The following SNTG1 variants were observed in gnomAD, a reference collection of about 807,000 sequenced individuals.
SNTG1 encodes the protein syntrophin gamma 1.
SNTG1 carries 39 observed loss-of-function variants against 74.7 expected under a neutral mutation model. The ratio of observed to expected loss-of-function variants is 0.52; its 90% CI spans 0.40 to 0.68. The LOEUF (loss-of-function observed/expected upper bound fraction) is 0.68, where lower values mean the gene tolerates loss of function less well. Among genes scored for constraint, SNTG1 ranks in the 30% least tolerant of loss-of-function variants. SNTG1 has a pLI of 0.00. For missense variants in SNTG1, 685 were observed against 609.5 expected, an observed-to-expected ratio of 1.12 and a Z score of -1.30; for synonymous variants, 254 against 217.1, an observed-to-expected ratio of 1.17 and a Z score of -1.49.
Position 50,211,785 on chromosome 8 carries a change from A to G in SNTG1, c.-28+39150A>G, listed in dbSNP as rs79036972. Among the ~76,000 whole-genome samples the G allele has an allele frequency of 6.0e-3, 918 of 152,274 alleles. 4 individuals carry two copies. The highest frequency in any genetic ancestry group is 0.01 in the Non-Finnish European group (710 of 67,984). ...AAAATCATTTTGCTTCAGTGAGATC[A>G]AAGAAGGTTTACATTTGACAGTATC... On this transcript the variant is annotated intron_variant, in intron 2 of 18. Coordinates refer to ENST00000642720, the MANE Select transcript of SNTG1 (RefSeq NM_018967.5).
intron 15 of SNTG1, among the ~76,000 whole-genome samples, chr8:50,689,817 G>A (rs916891391): frequency 6.6e-6 from 1 of 152,196 alleles, no homozygotes; most frequent in Admixed American, 6.5e-5. Flanking sequence ...AGTTTCAGAA[G>A]GAATGGTACC....
At position 50,792,662 on chromosome 8, in the gene SNTG1, C is replaced by A. The variant is rs762929338; in HGVS notation, c.1396-9C>A. 1 of 1,598,506 alleles carries A rather than the reference C, an allele frequency of 6.3e-7. No homozygotes were observed. Among genetic ancestry groups the A allele is most frequent in the Non-Finnish European group, 8.5e-7 (1 of 1,172,466 alleles). ...TATGTTATCTGACCTGTTTCTCTTTCCCTTTCAGGAGTTGGAATTTTCTAA... is the reference window on the plus strand; with the variant it reads ...TATGTTATCTGACCTGTTTCTCTTTACCTTTCAGGAGTTGGAATTTTCTAA... On this transcript the variant is annotated splice_polypyrimidine_tract_variant and intron_variant, in intron 18 of 18. Transcript: ENST00000642720.
At chr8:50,314,970 CTATAG>C (rs1386073056) in intron 2 of SNTG1, among the ~76,000 whole-genome samples, 4 of 149,570 alleles carry the variant, frequency 2.7e-5, no homozygotes, top group Middle Eastern at 3.4e-3. Flanking sequence ...CTGGTTCTAA[CTATAG>C]TGTTTTGATA....
chr8:50,680,808 C>T (rs182956583), intron 15 of SNTG1, among the ~76,000 whole-genome samples: 309 of 152,142 alleles, frequency 2.0e-3, no homozygotes, highest in Non-Finnish European at 3.7e-3. Context: ...GGTATGTGCT[C>T]GCAGCTCCAA....
At chr8:50,650,145 A>G (rs2095135762) in intron 13 of SNTG1, among the ~76,000 whole-genome samples, 1 of 152,082 alleles carries the variant, frequency 6.6e-6, no homozygotes, top group Non-Finnish European at 1.5e-5. Flanking sequence ...TTTGGATTAT[A>G]AATTTAAAAA....
At chr8:50,419,871 C>T (rs921705597) in intron 4 of SNTG1, among the ~76,000 whole-genome samples, 2 of 150,276 alleles carry the variant, frequency 1.3e-5, no homozygotes, top group African/African-American at 4.9e-5. Context: ...CTAAACAATA[C>T]AATAATTGAA....
At position 50,010,881 on chromosome 8, in the gene SNTG1, G is replaced by A. The variant is rs866914159; in HGVS notation, c.-103+98650G>A. 2.7e-5 allele frequency among the ~76,000 whole-genome samples: 4 copies of A among 146,200 alleles called. No individual in the cohort carries two copies. In the South Asian group the frequency reaches 6.6e-4, roughly 24 times the overall value. ...ATTCCTTTGTTTACTTCAACAAATA[G>A]AGTTGTGTTATTTTCTCTATATTTT... is the stretch of plus-strand genomic sequence containing the variant. On this transcript the variant is annotated intron_variant, in intron 1 of 18. Coordinates refer to ENST00000642720, the MANE Select transcript of SNTG1 (RefSeq NM_018967.5).
intron 1 of SNTG1, among the ~76,000 whole-genome samples, chr8:50,137,741 A>G (rs1022171194): frequency 2.0e-5 from 3 of 152,148 alleles, no homozygotes; most frequent in African/African-American, 7.2e-5. Flanking sequence ...GGAGACGTCC[A>G]GGCAGGAGGC....
intron 2 of SNTG1, among the ~76,000 whole-genome samples, chr8:50,199,811 T>G (rs149978947): frequency 1.3e-5 from 2 of 152,302 alleles, no homozygotes; most frequent in African/African-American, 4.8e-5. Context: ...TGCAAAATAC[T>G]TCTTGCACGT....
intron 8 of SNTG1, among the ~76,000 whole-genome samples, chr8:50,451,402 A>AT (rs1214301036): frequency 6.6e-6 from 1 of 152,002 alleles, no homozygotes; most frequent in Non-Finnish European, 1.5e-5. Flanking sequence ...CCACAGACAG[A>AT]TTACCTAGGA....
Position 50,709,104 on chromosome 8 carries a change from T to C in SNTG1, c.1284+126T>C, listed in dbSNP as rs1057076518. ...GTGTCAAATTTAAGATCTTCGTTTT[T>C]GTTAATGGAAGATAAATTATGCTTC... On this transcript the variant is annotated intron_variant, in intron 17 of 18. Coordinates refer to ENST00000642720, the MANE Select transcript of SNTG1 (RefSeq NM_018967.5). 6.9e-6 allele frequency: 5 copies of C among 719,670 alleles called. No individual in the cohort carries two copies. The African/African-American group carries it at 8.8e-5, about 13-fold the overall frequency. The allele number at this position is 719,670 out of a possible 1,614,324, so 44.6% of individuals were successfully genotyped here. A position where few individuals can be genotyped will look rare whatever the true frequency, so the allele number is the denominator to read the frequency against.
intron 15 of SNTG1, among the ~76,000 whole-genome samples, chr8:50,701,470 T>G (rs2095423290): frequency 6.6e-6 from 1 of 152,170 alleles, no homozygotes; most frequent in Admixed American, 6.5e-5. Flanking sequence ...AAGAACACCC[T>G]TTTTCTATAC....
At chr8:50,201,846 C>T (rs2083999197) in intron 2 of SNTG1, among the ~76,000 whole-genome samples, 1 of 152,086 alleles carries the variant, frequency 6.6e-6, no homozygotes, top group Admixed American at 6.6e-5. Context: ...TCTATCACCA[C>T]CTGAATCATT....
At chr8:50,041,490 T>C (rs982156558) in intron 1 of SNTG1, among the ~76,000 whole-genome samples, 22 of 152,228 alleles carry the variant, frequency 1.4e-4, no homozygotes, top group Non-Finnish European at 4.4e-5. Flanking sequence ...ACACTAAGCA[T>C]TGTATTCAAT....
At chr8:49,950,884 G>A (rs1035430114) in intron 1 of SNTG1, among the ~76,000 whole-genome samples, 2 of 152,160 alleles carry the variant, frequency 1.3e-5, no homozygotes, top group Admixed American at 1.3e-4. Flanking sequence ...TGAAATTCCA[G>A]AAAATATTGT....
intron 13 of SNTG1, among the ~76,000 whole-genome samples, chr8:50,652,238 A>G (rs1461033613): frequency 6.6e-6 from 1 of 152,204 alleles, no homozygotes; most frequent in African/African-American, 2.4e-5. Context: ...TAATGATATA[A>G]TTATTATAAA....
chr8:50,244,233 T>C (rs1041836689), intron 2 of SNTG1, among the ~76,000 whole-genome samples: 1 of 152,114 alleles, frequency 6.6e-6, no homozygotes, highest in African/African-American at 2.4e-5. Flanking sequence ...CACCAAGCCA[T>C]GAGAAATCCA....
At chr8:50,390,003 A>G (rs1220773457) in intron 2 of SNTG1, among the ~76,000 whole-genome samples, 1 of 152,098 alleles carries the variant, frequency 6.6e-6, no homozygotes, top group East Asian at 1.9e-4. Context: ...AGATGAGTAG[A>G]TTGCAAAAAT....
chr8:50,204,341 C>G (rs1210895093), intron 2 of SNTG1, among the ~76,000 whole-genome samples: 1 of 152,016 alleles, frequency 6.6e-6, no homozygotes, highest in Admixed American at 6.6e-5. Flanking sequence ...GTAGTCAACA[C>G]TCAGTATCTG....
Sources: allele counts gnomAD v4.1 joint callset (sites outside exome capture counted in the v4.1 genomes callset), GRCh38; gene constraint gnomAD v4.1.1; transcripts MANE v1.5; gene names NCBI Gene and HGNC (gene_info 2026-07-23, HGNC 2026-07-21).